The following CNTN4 variants were observed in gnomAD, a reference collection of about 807,000 sequenced individuals.
CNTN4 encodes the protein contactin-4.
In CNTN4, 77 loss-of-function variants were observed where a neutral mutation model predicts 122.5. The ratio of observed to expected loss-of-function variants is 0.63; its 90% CI spans 0.52 to 0.76. The LOEUF (loss-of-function observed/expected upper bound fraction) is 0.76, where lower values mean the gene tolerates loss of function less well. CNTN4 is among the 30% of genes least tolerant of loss of function. The pLI is 0.00. For missense variants in CNTN4, 1,256 were observed against 1,259.1 expected (o/e 1.00, Z 0.04); for synonymous variants, 512 against 447.0 (o/e 1.15, Z -1.83).
intron 14 of CNTN4, among the ~76,000 whole-genome samples, chr3:3,020,892 A>G (rs1698231822): frequency 6.6e-6 from 1 of 152,198 alleles, no homozygotes; most frequent in African/African-American, 2.4e-5. Context: ...CAGGTATACT[A>G]ATGTATTAAT....
intron 3 of CNTN4, among the ~76,000 whole-genome samples, chr3:2,488,256 C>T (rs190871744): frequency 6.6e-6 from 1 of 152,168 alleles, no homozygotes; most frequent in Non-Finnish European, 1.5e-5. Context: ...AAATAACATC[C>T]TTTTGCTCAA....
intron 4 of CNTN4, among the ~76,000 whole-genome samples, chr3:2,585,877 GA>G (rs199795637): frequency 0.12 from 17,140 of 139,220 alleles, 1,129 homozygotes; most frequent in South Asian, 0.29. Context: ...CAGAGGGGGA[GA>G]AAAAAAAAAA....
intron 2 of CNTN4, among the ~76,000 whole-genome samples, chr3:2,149,592 C>T (rs572761800): frequency 2.6e-5 from 4 of 152,226 alleles, no homozygotes; most frequent in Admixed American, 2.0e-4. Flanking sequence ...ATTTGATGTT[C>T]TTAAAACAGC....
chr3:2,901,882 G>A (rs919784729), intron 11 of CNTN4, among the ~76,000 whole-genome samples: 1 of 152,182 alleles, frequency 6.6e-6, no homozygotes, highest in Non-Finnish European at 1.5e-5. Context: ...GTGTCTCACT[G>A]TCTGGATGCC....
At chr3:2,850,661 A>C (rs1216175603) in intron 7 of CNTN4, among the ~76,000 whole-genome samples, 1 of 152,180 alleles carries the variant, frequency 6.6e-6, no homozygotes, top group Non-Finnish European at 1.5e-5. Flanking sequence ...TTCCTCCCTT[A>C]CATTGGAGAA....
At chr3:2,616,584 C>T (rs1380345618) in intron 4 of CNTN4, among the ~76,000 whole-genome samples, 2 of 152,224 alleles carry the variant, frequency 1.3e-5, no homozygotes, top group African/African-American at 2.4e-5. Flanking sequence ...AACTCATTTA[C>T]ATTTCCACCA....
intron 4 of CNTN4, among the ~76,000 whole-genome samples, chr3:2,650,739 C>G (rs987946180): frequency 1.3e-5 from 2 of 152,114 alleles, no homozygotes; most frequent in Non-Finnish European, 2.9e-5. Context: ...GCATTTTTAA[C>G]AATAAATTAT....
chr3:3,003,886 A>AT (rs1696332715), intron 14 of CNTN4, among the ~76,000 whole-genome samples: 1 of 151,968 alleles, frequency 6.6e-6, no homozygotes, highest in Admixed American at 6.6e-5. Flanking sequence ...GGTAGCTGGG[A>AT]TTACAGGCGC....
intron 2 of CNTN4, among the ~76,000 whole-genome samples, chr3:2,253,490 C>G (rs1185073693): frequency 1.3e-5 from 2 of 152,022 alleles, no homozygotes; most frequent in African/African-American, 4.8e-5. Flanking sequence ...TTACTTTATC[C>G]TTTTATAAAT....
chr3:2,108,775 T>C (rs551107361), intron 2 of CNTN4, among the ~76,000 whole-genome samples: 1 of 152,346 alleles, frequency 6.6e-6, no homozygotes, highest in East Asian at 1.9e-4. Context: ...ATCTATAACA[T>C]TGTCTAAAGC....
intron 13 of CNTN4, among the ~76,000 whole-genome samples, chr3:2,930,378 A>G (rs2151416004): frequency 6.9e-6 from 1 of 145,812 alleles, no homozygotes; most frequent in East Asian, 1.9e-4. Flanking sequence ...ATGATATAAC[A>G]TAGAAAGACC....
rs375816401 is a variant in CNTN4, at chr3:2,142,709, G to T, written c.-145+42070G>T. On this transcript the variant is annotated intron_variant, in intron 2 of 24. Transcript: ENST00000418658. ...CATTACCAGTTAACAAACTACTACA[G>T]CTGCCTCTGCAAATGATAGAAGAAC... is the stretch of plus-strand genomic sequence containing the variant. Among the ~76,000 whole-genome samples, 20 of 152,290 alleles carry T rather than the reference G, an allele frequency of 1.3e-4. No homozygotes were observed. The South Asian group carries it at 4.1e-3, about 32-fold the overall frequency.
chr3:2,583,275 G>A (rs2080030589), intron 4 of CNTN4, among the ~76,000 whole-genome samples: 1 of 152,208 alleles, frequency 6.6e-6, no homozygotes, highest in African/African-American at 2.4e-5. Flanking sequence ...TCAACAGGGA[G>A]CATTTCACAG....
intron 7 of CNTN4, among the ~76,000 whole-genome samples, chr3:2,820,729 C>T (rs1322742447): frequency 3.3e-5 from 5 of 151,958 alleles, no homozygotes; most frequent in African/African-American, 7.3e-5. Context: ...CAATATCACT[C>T]AGGAAATTAC....
chr3:2,673,845 G>A (rs1196690836), intron 4 of CNTN4, among the ~76,000 whole-genome samples: 2 of 152,148 alleles, frequency 1.3e-5, no homozygotes, highest in African/African-American at 2.4e-5. Flanking sequence ...CCCGGCCGGA[G>A]GGTCAGTTTT....
chr3:2,508,505 T>G (rs1432424353), intron 3 of CNTN4, among the ~76,000 whole-genome samples: 1 of 152,160 alleles, frequency 6.6e-6, no homozygotes, highest in Non-Finnish European at 1.5e-5. Flanking sequence ...TGCCCCTAGA[T>G]TTGCTGAGGT....
At chr3:2,992,437 T>C (rs1048882284) in intron 14 of CNTN4, among the ~76,000 whole-genome samples, 1 of 152,196 alleles carries the variant, frequency 6.6e-6, no homozygotes, top group Admixed American at 6.5e-5. Flanking sequence ...TTTGTGATCA[T>C]TGACATCATT....
chr3:2,539,922 A>G (rs1299138501), intron 3 of CNTN4, among the ~76,000 whole-genome samples: 1 of 152,068 alleles, frequency 6.6e-6, no homozygotes, highest in African/African-American at 2.4e-5. Flanking sequence ...TGTTAGATCT[A>G]GGAGGGAACT....
chr3:2,143,462 CATT>C (rs747308899), intron 2 of CNTN4, among the ~76,000 whole-genome samples: 4 of 152,074 alleles, frequency 2.6e-5, no homozygotes, highest in Admixed American at 6.5e-5. Context: ...TAATTAATCA[CATT>C]ATTATTCTCC....
Sources: allele counts gnomAD v4.1 joint callset (sites outside exome capture counted in the v4.1 genomes callset), GRCh38; gene constraint gnomAD v4.1.1; transcripts MANE v1.5; gene names NCBI Gene and HGNC (gene_info 2026-07-23, HGNC 2026-07-21).